The following CSMD1 variants were observed in gnomAD, a reference collection of about 807,000 sequenced individuals.
CSMD1 encodes CUB and sushi domain-containing protein 1.
A neutral mutation model predicts 417.5 loss-of-function variants in CSMD1; 213 were observed. The ratio of observed to expected loss-of-function variants is 0.51; its 90% CI spans 0.46 to 0.57. The LOEUF (loss-of-function observed/expected upper bound fraction) is 0.57, where lower values mean the gene tolerates loss of function less well. CSMD1 is among the 20% of genes least tolerant of loss of function. CSMD1 has a pLI of 0.00. For synonymous variants in CSMD1, 2,862 were observed against 1,736.8 expected (o/e 1.65, Z -16.11); for missense variants, 6,923 against 4,529.7 (o/e 1.53, Z -15.17).
At chr8:3,181,968 G>T (rs376556209) in intron 36 of CSMD1, among the ~76,000 whole-genome samples, 1 of 152,084 alleles carries the variant, frequency 6.6e-6, no homozygotes, top group Non-Finnish European at 1.5e-5. Flanking sequence ...TAATAGACAA[G>T]TTTAAGTCAC....
At chr8:2,944,953 G>A (rs1416753118) in intron 68 of CSMD1, among the ~76,000 whole-genome samples, 3 of 152,064 alleles carry the variant, frequency 2.0e-5, no homozygotes, top group Non-Finnish European at 4.4e-5. Flanking sequence ...CACCTCACAT[G>A]AAAACAAAGA....
chr8:3,992,913 CA>C (rs1401420546), intron 5 of CSMD1, among the ~76,000 whole-genome samples: 2 of 152,214 alleles, frequency 1.3e-5, no homozygotes, highest in African/African-American at 4.8e-5. Flanking sequence ...ATTTTTCTCA[CA>C]AAAGATTGAA....
chr8:3,421,431 GAA>G (rs1477326304), intron 12 of CSMD1, among the ~76,000 whole-genome samples: 3 of 152,216 alleles, frequency 2.0e-5, no homozygotes, highest in Non-Finnish European at 4.4e-5. Flanking sequence ...TTGTGATTAA[GAA>G]AAGAGAAACA....
intron 7 of CSMD1, among the ~76,000 whole-genome samples, chr8:3,658,085 A>G (rs78613641): frequency 0.051 from 7,781 of 152,264 alleles, 259 homozygotes; most frequent in South Asian, 0.086. Flanking sequence ...AGCACTGATT[A>G]TCACAATGCT....
At chr8:3,947,524 C>T (rs1360870737) in intron 5 of CSMD1, among the ~76,000 whole-genome samples, 3 of 152,090 alleles carry the variant, frequency 2.0e-5, no homozygotes, top group South Asian at 4.1e-4. Context: ...AATTAAACAA[C>T]ACTCTTCTAC....
chr8:4,189,631 G>T (rs998746449), intron 3 of CSMD1, among the ~76,000 whole-genome samples: 12 of 152,252 alleles, frequency 7.9e-5, no homozygotes, highest in Middle Eastern at 3.4e-3. Flanking sequence ...CCCTAGCAAA[G>T]ACCCTTCTAC....
intron 40 of CSMD1, among the ~76,000 whole-genome samples, chr8:3,145,580 A>G (rs1371963309): frequency 6.6e-6 from 1 of 152,324 alleles, no homozygotes; most frequent in East Asian, 1.9e-4. Context: ...TAAGCAGGAT[A>G]AATTATACAG....
intron 5 of CSMD1, among the ~76,000 whole-genome samples, chr8:3,974,241 T>C (rs555555074): frequency 2.0e-5 from 3 of 150,846 alleles, no homozygotes; most frequent in Admixed American, 6.6e-5. Flanking sequence ...TTAAATAATA[T>C]AATTATCTTA....
chr8:3,138,369 T>C (rs1371562906), intron 41 of CSMD1, among the ~76,000 whole-genome samples: 1 of 152,166 alleles, frequency 6.6e-6, no homozygotes, highest in Non-Finnish European at 1.5e-5. Context: ...CAAACTAAAT[T>C]TTGGCTCTTC....
chr8:4,903,952 T>C (rs1254411012), intron 1 of CSMD1, among the ~76,000 whole-genome samples: 1 of 152,238 alleles, frequency 6.6e-6, no homozygotes, highest in African/African-American at 2.4e-5. Context: ...TTTGCTATTA[T>C]AATTTAAATA....
chr8:2,990,776 C>T (rs552612323), intron 54 of CSMD1, among the ~76,000 whole-genome samples: 1 of 152,186 alleles, frequency 6.6e-6, no homozygotes, highest in African/African-American at 2.4e-5. Context: ...TGATAATCCC[C>T]ATGTATTTGT....
At chr8:4,314,432 G>A (rs535026486) in intron 3 of CSMD1, among the ~76,000 whole-genome samples, 1 of 152,348 alleles carries the variant, frequency 6.6e-6, no homozygotes, top group South Asian at 2.1e-4. Flanking sequence ...TCAGGAAGCA[G>A]TATGGGGTGT....
chr8:4,785,573 T>C (rs1187493660), intron 1 of CSMD1, among the ~76,000 whole-genome samples: 2 of 152,094 alleles, frequency 1.3e-5, no homozygotes, highest in Non-Finnish European at 2.9e-5. Flanking sequence ...TCCATAGTCC[T>C]GAGCCACTTG....
chr8:4,357,626 T>C (rs1801504555), intron 3 of CSMD1, among the ~76,000 whole-genome samples: 1 of 152,140 alleles, frequency 6.6e-6, no homozygotes, highest in Non-Finnish European at 1.5e-5. Flanking sequence ...CATGCTTAAA[T>C]AAATACAATA....
chr8:4,431,173 G>A (rs969630911), intron 2 of CSMD1, among the ~76,000 whole-genome samples: 10 of 152,126 alleles, frequency 6.6e-5, no homozygotes, highest in African/African-American at 1.9e-4. Context: ...AGGGAGGGGA[G>A]TAGGTAGTGA....
intron 3 of CSMD1, among the ~76,000 whole-genome samples, chr8:4,238,046 G>A (rs979347116): frequency 6.6e-6 from 1 of 152,244 alleles, no homozygotes. Context: ...ACGTTGCTTA[G>A]TTTTTCTACC....
intron 2 of CSMD1, among the ~76,000 whole-genome samples, chr8:4,519,887 T>C (rs1803342592): frequency 6.6e-6 from 1 of 150,874 alleles, no homozygotes. Flanking sequence ...AGGAAGTGAA[T>C]TCCAAACAGT....
In CSMD1 at chr8:4,272,650, C is replaced by G. The variant is rs577405286; in HGVS notation, c.415+147303G>C. Among the ~76,000 whole-genome samples the G allele has an allele frequency of 2.6e-5, 4 of 152,240 alleles. No homozygotes were observed. The South Asian group carries it at 8.3e-4, about 32-fold the overall frequency. On this transcript the variant is annotated intron_variant, in intron 3 of 69. Coordinates refer to ENST00000635120, the MANE Select transcript of CSMD1 (RefSeq NM_033225.6). ...TAGGTGAGAAATAATTGCATTCTTC[C>G]TAACACTCCAAACCGACTGTAGATG...
intron 2 of CSMD1, among the ~76,000 whole-genome samples, chr8:4,432,747 G>A (rs983492866): frequency 2.0e-5 from 3 of 152,120 alleles, no homozygotes; most frequent in East Asian, 3.9e-4. Context: ...TTTCAAACCA[G>A]GGCCATAGAG....
Sources: allele counts gnomAD v4.1 joint callset (sites outside exome capture counted in the v4.1 genomes callset), GRCh38; gene constraint gnomAD v4.1.1; transcripts MANE v1.5; gene names NCBI Gene and HGNC (gene_info 2026-07-23, HGNC 2026-07-21).